Variants in THSD7B observed in about 807,000 individuals in gnomAD.
THSD7B encodes thrombospondin type 1 domain containing 7B.
Under a neutral mutation model 213.6 loss-of-function variants are expected in THSD7B, and 138 were observed. That is an observed-to-expected ratio of 0.65 (90% CI 0.56 to 0.74). The LOEUF (loss-of-function observed/expected upper bound fraction) is 0.74. Ranked by LOEUF, THSD7B falls within the 30% of genes least tolerant of loss-of-function variation. THSD7B has a pLI of 0.00. For missense variants in THSD7B, 1,931 were observed against 1,991.5 expected (o/e 0.97, Z 0.58); for synonymous variants, 742 against 687.0 (o/e 1.08, Z -1.25).
chr2:137,274,199 T>A (rs557790368), intron 11 of THSD7B, among the ~76,000 whole-genome samples: 1 of 152,210 alleles, frequency 6.6e-6, no homozygotes, highest in African/African-American at 2.4e-5. Context: ...CATCCTTGAA[T>A]TTTGAGCAAT....
intron 7 of THSD7B, among the ~76,000 whole-genome samples, chr2:137,181,654 G>T (rs925402794): frequency 2.6e-5 from 4 of 152,094 alleles, no homozygotes; most frequent in African/African-American, 9.7e-5. Flanking sequence ...TAGCTCTGTG[G>T]ACCATCTGCT....
chr2:137,558,648 T>C (rs930452238), intron 15 of THSD7B, among the ~76,000 whole-genome samples: 1 of 152,166 alleles, frequency 6.6e-6, no homozygotes, highest in South Asian at 2.1e-4. Context: ...CTTTGAAAAC[T>C]GGCACAAGAC....
At chr2:137,606,783 T>C (rs1278709285) in intron 17 of THSD7B, among the ~76,000 whole-genome samples, 3 of 151,496 alleles carry the variant, frequency 2.0e-5, no homozygotes, top group Admixed American at 2.0e-4. Context: ...AAGCATTTCA[T>C]GGGAAGGAAA....
chr2:137,319,165 T>C (rs1684205565), intron 12 of THSD7B, among the ~76,000 whole-genome samples: 1 of 151,876 alleles, frequency 6.6e-6, no homozygotes, highest in South Asian at 2.1e-4. Context: ...CTATAACTTG[T>C]GGTTTTTTGA....
At chr2:137,627,786 C>A (rs941852977) in intron 20 of THSD7B, among the ~76,000 whole-genome samples, 1 of 152,118 alleles carries the variant, frequency 6.6e-6, no homozygotes, top group African/African-American at 2.4e-5. Context: ...CAATGTCCAA[C>A]AATAATATGT....
At chr2:136,827,248 A>G (rs17719652) in intron 1 of THSD7B, among the ~76,000 whole-genome samples, 21,138 of 152,160 alleles carry the variant, frequency 0.14, 2,198 homozygotes, top group Non-Finnish European at 0.22. Flanking sequence ...CATAATATAG[A>G]GTACATGCAA....
intron 5 of THSD7B, among the ~76,000 whole-genome samples, chr2:137,119,374 A>T (rs1030233987): frequency 3.3e-5 from 5 of 152,232 alleles, no homozygotes; most frequent in African/African-American, 1.2e-4. Context: ...AGTTGTAATA[A>T]TAATTGAACT....
intron 2 of THSD7B, among the ~76,000 whole-genome samples, chr2:137,013,125 T>G (rs1165291183): frequency 1.3e-5 from 2 of 152,196 alleles, no homozygotes; most frequent in African/African-American, 4.8e-5. Flanking sequence ...ATAAATAACT[T>G]TTAGAACAAA....
chr2:137,585,160 T>C (rs1681691565), intron 17 of THSD7B, among the ~76,000 whole-genome samples: 2 of 152,182 alleles, frequency 1.3e-5, no homozygotes, highest in South Asian at 4.1e-4. Context: ...TGGTAGTTTG[T>C]ATTTCTGTGG....
intron 12 of THSD7B, among the ~76,000 whole-genome samples, chr2:137,360,594 A>G (rs1685230787): frequency 6.6e-6 from 1 of 152,156 alleles, no homozygotes; most frequent in Non-Finnish European, 1.5e-5. Context: ...TGCCAAACCC[A>G]CAGAGCCTTG....
intron 1 of THSD7B, among the ~76,000 whole-genome samples, chr2:136,838,683 A>G (rs1352263398): frequency 6.6e-6 from 1 of 152,118 alleles, no homozygotes; most frequent in Non-Finnish European, 1.5e-5. Context: ...GGGCTGACAC[A>G]CTGACTTCTG....
intron 15 of THSD7B, among the ~76,000 whole-genome samples, chr2:137,481,287 A>G (rs1281241368): frequency 6.6e-6 from 1 of 152,232 alleles, no homozygotes; most frequent in East Asian, 1.9e-4. Context: ...ACATGTCAAA[A>G]CACTGAAACT....
At chr2:137,641,054 AT>A (rs1682929396) in intron 20 of THSD7B, among the ~76,000 whole-genome samples, 1 of 152,196 alleles carries the variant, frequency 6.6e-6, no homozygotes, top group Non-Finnish European at 1.5e-5. Context: ...GGTATCTGTA[AT>A]TGTTTCTATC....
chr2:136,894,249 GA>G (rs11307133), intron 2 of THSD7B, among the ~76,000 whole-genome samples: 96,787 of 152,008 alleles, frequency 0.64, 31,365 homozygotes, highest in East Asian at 0.79. Context: ...TGTTGCAAAA[GA>G]GTGCTGCACT....
intron 12 of THSD7B, among the ~76,000 whole-genome samples, chr2:137,313,492 T>C (rs1367271649): frequency 4.6e-5 from 7 of 151,722 alleles, no homozygotes; most frequent in Non-Finnish European, 1.0e-4. Flanking sequence ...AATTGGAGCA[T>C]TTAGTCCATT....
chr2:137,266,711 A>C (rs1438471175), intron 10 of THSD7B, among the ~76,000 whole-genome samples: 5 of 152,128 alleles, frequency 3.3e-5, no homozygotes, highest in African/African-American at 1.2e-4. Context: ...GTACATAGCT[A>C]TCCTGCATCT....
chr2:136,879,160 T>C (rs1277854855), intron 1 of THSD7B, among the ~76,000 whole-genome samples: 1 of 152,196 alleles, frequency 6.6e-6, no homozygotes, highest in African/African-American at 2.4e-5. Flanking sequence ...CCAGCACCAT[T>C]TATTAAATAG....
chr2:136,980,637 C>T (rs570050046), intron 2 of THSD7B, among the ~76,000 whole-genome samples: 12 of 152,308 alleles, frequency 7.9e-5, no homozygotes, highest in Middle Eastern at 3.4e-3. Flanking sequence ...GGTCACCCCT[C>T]CCCTGGGAAC....
chr2:137,256,207 C>T (rs965388402), intron 10 of THSD7B, among the ~76,000 whole-genome samples: 3 of 152,128 alleles, frequency 2.0e-5, no homozygotes, highest in African/African-American at 7.2e-5. Context: ...AGTCAGTAAA[C>T]CTTTTTCTAG....
Sources: gnomAD v4.1 joint callset for allele counts (sites outside exome capture counted in the v4.1 genomes callset) on GRCh38, gnomAD v4.1.1 for gene constraint, MANE v1.5 for transcripts, NCBI Gene and HGNC (gene_info 2026-07-23, HGNC 2026-07-21) for gene names.